Variants in SNTG2 observed in about 807,000 individuals in gnomAD.
SNTG2 encodes the protein syntrophin gamma 2, also known as gamma-2-syntrophin.
SNTG2 carries 74 observed loss-of-function variants against 70.9 expected under a neutral mutation model. That is an observed-to-expected ratio of 1.04 (90% CI 0.86 to 1.27). The LOEUF is 1.27. SNTG2 is among the 50% of genes most tolerant of loss of function. SNTG2 has a pLI of 0.00. For missense variants in SNTG2, 717 were observed against 690.7 expected, an observed-to-expected ratio of 1.04 and a Z score of -0.43; for synonymous variants, 278 against 273.8, an observed-to-expected ratio of 1.02 and a Z score of -0.15.
intron 3 of SNTG2, 27 bp downstream of exon 3, chr2:1,098,279 G>A (rs11127460): frequency 0.45 from 728,409 of 1,613,042 alleles, 171,149 homozygotes; most frequent in Middle Eastern, 0.5. Flanking sequence ...CTCTATTCCT[G>A]CTTTTTATTT....
intron 9 of SNTG2, among the ~76,000 whole-genome samples, chr2:1,228,559 C>A (rs969688113): frequency 6.6e-6 from 1 of 152,188 alleles, no homozygotes; most frequent in African/African-American, 2.4e-5. Flanking sequence ...ACTGCTGTGT[C>A]CCGGGCCCTG....
intron 16 of SNTG2, among the ~76,000 whole-genome samples, chr2:1,324,416 T>G (rs1046788843): frequency 6.6e-6 from 1 of 152,228 alleles, no homozygotes; most frequent in South Asian, 2.1e-4. Flanking sequence ...ATAGTGCATA[T>G]AAGGATTTTA....
At chr2:1,137,150 G>A (rs1181647570) in intron 4 of SNTG2, among the ~76,000 whole-genome samples, 1 of 152,142 alleles carries the variant, frequency 6.6e-6, no homozygotes, top group Non-Finnish European at 1.5e-5. Flanking sequence ...TTATGAAGTG[G>A]CCGCCTATTG....
chr2:1,169,834 G>A (rs1308328236), intron 7 of SNTG2, among the ~76,000 whole-genome samples: 1 of 152,166 alleles, frequency 6.6e-6, no homozygotes, highest in Non-Finnish European at 1.5e-5. Flanking sequence ...AGATCACAGA[G>A]GCCAGGGGTG....
At position 1,024,920 on chromosome 2, in the gene SNTG2, C is replaced by T. The variant is rs1324564523; in HGVS notation, c.73-58598C>T. 3.9e-5 allele frequency among the ~76,000 whole-genome samples: 6 copies of T among 152,104 alleles called. No homozygotes were observed. In the South Asian group the frequency reaches 1.2e-3, roughly 32 times the overall value. ...CTTACAATATGATTACTTGTTAGTG[C>T]ACTCTATGGGATAATGAAATAAATG... On this transcript the variant is annotated intron_variant, in intron 1 of 16. Transcript: ENST00000308624.
At chr2:1,283,584 G>A (rs1572919163) in intron 14 of SNTG2, among the ~76,000 whole-genome samples, 1 of 152,114 alleles carries the variant, frequency 6.6e-6, no homozygotes. Context: ...CGTTCACCCT[G>A]TCTGCCCCTG....
chr2:1,364,002 C>T (rs1039724227), intron 16 of SNTG2, among the ~76,000 whole-genome samples: 4 of 152,144 alleles, frequency 2.6e-5, no homozygotes, highest in East Asian at 1.9e-4. Flanking sequence ...CAGAGTTTCA[C>T]TCTTGTTGCC....
At chr2:1,276,482 C>T (rs1679273331) in intron 14 of SNTG2, among the ~76,000 whole-genome samples, 2 of 152,230 alleles carry the variant, frequency 1.3e-5, no homozygotes, top group Admixed American at 1.3e-4. Context: ...GATGACAGCA[C>T]ATCTGTTGAC....
At chr2:1,185,044 A>G (rs1434814286) in intron 8 of SNTG2, among the ~76,000 whole-genome samples, 1 of 152,144 alleles carries the variant, frequency 6.6e-6, no homozygotes, top group East Asian at 1.9e-4. Flanking sequence ...GGGTAAATAC[A>G]CCCATTCCAA....
intron 1 of SNTG2, among the ~76,000 whole-genome samples, chr2:1,038,869 G>T (rs1171105389): frequency 1.3e-5 from 2 of 152,324 alleles, no homozygotes; most frequent in South Asian, 2.1e-4. Flanking sequence ...GGAAGATTTA[G>T]ATCCACTGCC....
At chr2:1,270,799 G>T (rs1678980211) in intron 14 of SNTG2, among the ~76,000 whole-genome samples, 1 of 152,148 alleles carries the variant, frequency 6.6e-6, no homozygotes, top group African/African-American at 2.4e-5. Flanking sequence ...TCCTGACTTT[G>T]ATCGTATTCC....
intron 2 of SNTG2, among the ~76,000 whole-genome samples, chr2:1,089,753 T>C (rs995480266): frequency 6.6e-6 from 1 of 152,250 alleles, no homozygotes; most frequent in Admixed American, 6.5e-5. Context: ...ATAACTAAAA[T>C]CTAACAGCAA....
At chr2:1,077,921 T>A (rs1664032657) in intron 1 of SNTG2, among the ~76,000 whole-genome samples, 2 of 152,188 alleles carry the variant, frequency 1.3e-5, no homozygotes, top group Non-Finnish European at 2.9e-5. Context: ...ACCCGAGACC[T>A]CCTGGTGCTG....
At chr2:1,340,491 A>T (rs1001964472) in intron 16 of SNTG2, among the ~76,000 whole-genome samples, 2 of 152,250 alleles carry the variant, frequency 1.3e-5, no homozygotes, top group Non-Finnish European at 2.9e-5. Context: ...GGAATTAATA[A>T]ATACCAAATA....
chr2:1,281,094 G>T (rs908650061), intron 14 of SNTG2, among the ~76,000 whole-genome samples: 4 of 152,004 alleles, frequency 2.6e-5, no homozygotes, highest in African/African-American at 9.7e-5. Flanking sequence ...AATGCTGAAG[G>T]GTCTTGAAAC....
chr2:1,209,448 C>T (rs1673893241), intron 9 of SNTG2, among the ~76,000 whole-genome samples: 1 of 152,174 alleles, frequency 6.6e-6, no homozygotes, highest in Non-Finnish European at 1.5e-5. Flanking sequence ...AAGAATAGTT[C>T]TATCTAGGGC....
At chr2:1,007,984 A>G (rs1260063403) in intron 1 of SNTG2, among the ~76,000 whole-genome samples, 1 of 152,122 alleles carries the variant, frequency 6.6e-6, no homozygotes, top group Admixed American at 6.5e-5. Context: ...TGAACTCTTG[A>G]CATTGTGATC....
At position 1,219,404 on chromosome 2, in the gene SNTG2, G is replaced by A. The variant is rs532400691; in HGVS notation, c.719+10174G>A. 4.6e-5 allele frequency among the ~76,000 whole-genome samples: 7 copies of A among 152,326 alleles called. No individual in the cohort carries two copies. The South Asian group carries it at 6.2e-4, about 14-fold the overall frequency. On this transcript the variant is annotated intron_variant, in intron 9 of 16. Coordinates refer to ENST00000308624, the MANE Select transcript of SNTG2 (RefSeq NM_018968.4). ...CCAATACAAATTGTTTATGGAATAA[G>A]GAATGACTGAACAGAAGGCAGGAAA...
chr2:1,359,407 T>C (rs1175138511), intron 16 of SNTG2, among the ~76,000 whole-genome samples: 3 of 152,206 alleles, frequency 2.0e-5, no homozygotes, highest in African/African-American at 7.2e-5. Context: ...AGTTGTTCTA[T>C]CTTCCTGGTG....
Sources: allele counts gnomAD v4.1 joint callset (sites outside exome capture counted in the v4.1 genomes callset), GRCh38; gene constraint gnomAD v4.1.1; transcripts MANE v1.5; gene names NCBI Gene and HGNC (gene_info 2026-07-23, HGNC 2026-07-21).